Variants in COL12A1 observed in about 807,000 individuals in gnomAD.
COL12A1 encodes collagen type XII alpha 1 chain, also known as collagen alpha-1(XII) chain.
Under a neutral mutation model 349.7 loss-of-function variants are expected in COL12A1, and 114 were observed. That is an observed-to-expected ratio of 0.33 (90% confidence interval 0.28 to 0.38). COL12A1 has a LOEUF of 0.38. Among genes scored for constraint, COL12A1 ranks in the 10% least tolerant of loss-of-function variants. The pLI is 1.00. For synonymous variants in COL12A1, 1,369 were observed against 1,329.0 expected (o/e 1.03, Z -0.66); for missense variants, 3,284 against 3,756.9 (o/e 0.87, Z 3.29).
rs1482775873 is a variant in COL12A1, at chr6:75,134,075, C to A, written c.5525-78G>T. On this transcript the variant is annotated intron_variant, in intron 32 of 65. Coordinates refer to ENST00000322507, the MANE Select transcript of COL12A1 (RefSeq NM_004370.6). ...TGAAACACAGATTCACTGATATCTC[C>A]CAGGCACCCTAGAACATAGCAGGCA... 4.7e-6 allele frequency: 7 copies of A among 1,488,328 alleles called. No individual in the cohort carries two copies. In the East Asian group the frequency reaches 1.7e-4, roughly 36 times the overall value. The allele number at this position is 1,488,328 out of a possible 1,614,324, so 92.2% of individuals were successfully genotyped here. A position where few individuals can be genotyped will look rare whatever the true frequency, so the allele number is the denominator to read the frequency against.
chr6:75,184,895 G>A (rs570349256), intron 8 of COL12A1, among the ~76,000 whole-genome samples: 14 of 152,264 alleles, frequency 9.2e-5, no homozygotes, highest in East Asian at 5.8e-4. Context: ...TCAACTTCCC[G>A]GAAGATATAG....
intron 12 of COL12A1, among the ~76,000 whole-genome samples, chr6:75,176,335 T>TGATGCAGTGGGAGGAGGGAGAGG (rs1768947644): frequency 8.4e-6 from 1 of 119,696 alleles, no homozygotes; most frequent in South Asian, 2.7e-4. Flanking sequence ...GGAGGGAGAG[T>TGATGCAGTGGGAGGAGGGAGAGG]GATGCAGTGG....
chr6:75,089,663 A>C (rs1767664251), intron 63 of COL12A1, among the ~76,000 whole-genome samples: 1 of 152,150 alleles, frequency 6.6e-6, no homozygotes, highest in South Asian at 2.1e-4. Context: ...TTTTCCTTCA[A>C]CTGCAGTTAT....
rs1338830507 is a variant in COL12A1 at position 75,085,259 on chromosome 6, C to T, written c.*1288G>A. 2.5e-5 allele frequency: 12 copies of T among 470,934 alleles called. No homozygotes were observed. Among genetic ancestry groups the T allele is most frequent in the Admixed American group, 2.3e-4 (10 of 42,598 alleles). 29.2% of individuals were successfully genotyped at this position (470,934 alleles called of 1,614,324 possible). On this transcript the variant is annotated 3_prime_UTR_variant, in exon 66 of 66. Transcript: ENST00000322507. ...GGGGCTCAGGAGGCTCCTCTGCAGG[C>T]TCGTCTGCGCCGTAGTCCTCGTATT... is the stretch of plus-strand genomic sequence containing the variant.
intron 10 of COL12A1, 136 bp downstream of exon 10, chr6:75,182,914 C>A: frequency 6.6e-6 from 7 of 1,066,202 alleles, no homozygotes; most frequent in East Asian, 2.4e-5. Context: ...AAACTAAGTT[C>A]AATAGTTTTC....
At chr6:75,147,011 C>G (rs1273598572) in intron 23 of COL12A1, among the ~76,000 whole-genome samples, 3 of 152,078 alleles carry the variant, frequency 2.0e-5, no homozygotes, top group Admixed American at 1.3e-4. Context: ...AACCAAGAAG[C>G]AAGAAGTAGG....
chr6:75,167,730 C>T (rs1768384211), intron 13 of COL12A1, among the ~76,000 whole-genome samples: 1 of 152,052 alleles, frequency 6.6e-6, no homozygotes, highest in South Asian at 2.1e-4. Context: ...GGGCTTAAAA[C>T]AAAAGGATTT....
At chr6:75,185,019 C>G (rs1000191333) in intron 8 of COL12A1, among the ~76,000 whole-genome samples, 1 of 152,196 alleles carries the variant, frequency 6.6e-6, no homozygotes, top group Admixed American at 6.5e-5. Flanking sequence ...GATGTTTATA[C>G]TGAATAGGCA....
At chr6:75,204,193 C>T (rs1266688191) in intron 1 of COL12A1, among the ~76,000 whole-genome samples, 1 of 152,160 alleles carries the variant, frequency 6.6e-6, no homozygotes, top group Admixed American at 6.5e-5. Flanking sequence ...CATTTCTAAC[C>T]CTCTTCTACA....
chr6:75,131,054 C>A (rs1327309371), intron 35 of COL12A1, 73 bp from the exon 36 acceptor site: 1 of 1,578,378 alleles, frequency 6.3e-7, no homozygotes, highest in Non-Finnish European at 8.7e-7. Context: ...TTAGTCATCA[C>A]AATAGTATTT....
chr6:75,202,031 A>G (rs975164078), intron 2 of COL12A1, among the ~76,000 whole-genome samples: 8 of 152,196 alleles, frequency 5.3e-5, no homozygotes, highest in African/African-American at 9.6e-5. Flanking sequence ...ACCTTGGCCC[A>G]GGCTCAACCT....
intron 42 of COL12A1, 110 bp downstream of exon 42, chr6:75,123,838 T>C: frequency 8.8e-7 from 1 of 1,142,652 alleles, no homozygotes; most frequent in African/African-American, 1.6e-5. Context: ...CCCATCATTA[T>C]TGCTACCCCT....
rs775543292 is a variant in COL12A1 at position 75,105,195 on chromosome 6, A to G, written c.8265+11T>C. On this transcript the variant is annotated intron_variant, in intron 54 of 65. Transcript: ENST00000322507. Reference sequence around the variant, plus strand: ...AAGGAAAAACCAGAGGATCTATTTCAATTTCCTTACTGCAGGGCCTGGAGG... The same window carrying G: ...AAGGAAAAACCAGAGGATCTATTTCGATTTCCTTACTGCAGGGCCTGGAGG... The G allele has an allele frequency of 3.3e-5, 53 of 1,608,062 alleles. No individual in the cohort carries two copies. The highest frequency in any genetic ancestry group is 4.5e-5 in the Non-Finnish European group (53 of 1,176,214).
chr6:75,108,070 C>CATTGATTGATTG (rs112482209), intron 52 of COL12A1, among the ~76,000 whole-genome samples: 2 of 151,762 alleles, frequency 1.3e-5, no homozygotes, highest in Admixed American at 1.3e-4. Context: ...TATTGATTGA[C>CATTGATTGATTG]ATTGATTGAT....
At position 75,113,387 on chromosome 6, in the gene COL12A1, C is replaced by A. The variant is rs533127194; in HGVS notation, c.7841-74G>T. 6 of 1,064,266 alleles carry A rather than the reference C, an allele frequency of 5.6e-6. No homozygotes were observed. The East Asian group carries it at 1.8e-4, about 31-fold the overall frequency. 65.9% of individuals were successfully genotyped at this position (1,064,266 alleles called of 1,614,324 possible). On this transcript the variant is annotated intron_variant, in intron 50 of 65. Transcript: ENST00000322507. ...TTATTTAAAGTATTAGCAAATAATTCTTGTTGGAGAGATTTCTTTAAAAAT... is the reference window on the plus strand; with the variant it reads ...TTATTTAAAGTATTAGCAAATAATTATTGTTGGAGAGATTTCTTTAAAAAT...
rs1336182742 is a variant in COL12A1 at position 75,095,094 on chromosome 6, A to G, written c.8649+14T>C. The stretch of plus-strand genomic sequence containing the variant: ...TGAAACCACTGTCAGTAGACATGCA[A>G]GCTGTCCGCTTACTGGTCTGCCATG... On this transcript the variant is annotated intron_variant, in intron 60 of 65. Coordinates refer to ENST00000322507, the MANE Select transcript of COL12A1 (RefSeq NM_004370.6). The G allele has an allele frequency of 2.5e-6, 4 of 1,613,042 alleles. No homozygotes were observed. In the East Asian group the frequency reaches 6.7e-5, roughly 27 times the overall value.
chr6:75,153,756 G>T (rs1267870928), intron 17 of COL12A1, among the ~76,000 whole-genome samples: 1 of 152,046 alleles, frequency 6.6e-6, no homozygotes, highest in Non-Finnish European at 1.5e-5. Flanking sequence ...CCGTCTCTAA[G>T]AATGTTAAAA....
At chr6:75,105,070 T>C in intron 54 of COL12A1, 136 bp downstream of exon 54, 1 of 586,230 alleles carries the variant, frequency 1.7e-6, no homozygotes, top group Non-Finnish European at 3.0e-6. Flanking sequence ...ACTAAAAAGA[T>C]GGTCTGCAAT....
At chr6:75,098,089 G>A (rs1313458507) in intron 58 of COL12A1, among the ~76,000 whole-genome samples, 3 of 152,088 alleles carry the variant, frequency 2.0e-5, no homozygotes, top group Non-Finnish European at 1.5e-5. Context: ...ATTAAGCTCT[G>A]TAGTAAATAC....
Sources: gnomAD v4.1 joint callset for allele counts (sites outside exome capture counted in the v4.1 genomes callset) on GRCh38, gnomAD v4.1.1 for gene constraint, MANE v1.5 for transcripts, NCBI Gene and HGNC (gene_info 2026-07-23, HGNC 2026-07-21) for gene names.